Variants in MAPK10 observed in about 807,000 individuals in gnomAD.
MAPK10 encodes mitogen-activated protein kinase 10, also known as JNK3 alpha protein kinase.
A neutral mutation model predicts 59.3 loss-of-function variants in MAPK10; 25 were observed. The ratio of observed to expected loss-of-function variants is 0.42; its 90% confidence interval spans 0.31 to 0.59. The LOEUF (loss-of-function observed/expected upper bound fraction) is 0.59, where lower values mean the gene tolerates loss of function less well. Among genes scored for constraint, MAPK10 ranks in the 20% least tolerant of loss-of-function variants. MAPK10 has a pLI of 0.15. For synonymous variants in MAPK10, 190 were observed against 200.5 expected (o/e 0.95, Z 0.44); for missense variants, 351 against 568.9 (o/e 0.62, Z 3.90).
intron 2 of MAPK10, among the ~76,000 whole-genome samples, chr4:86,256,329 T>A (rs1359109828): frequency 6.6e-6 from 1 of 152,180 alleles, no homozygotes; most frequent in African/African-American, 2.4e-5. Flanking sequence ...TCATTTTAAT[T>A]GCCCACAGTC....
intron 9 of MAPK10, among the ~76,000 whole-genome samples, chr4:86,068,202 T>C (rs142223492): frequency 6.6e-6 from 1 of 152,258 alleles, no homozygotes; most frequent in Admixed American, 6.5e-5. Context: ...TATCATGAAA[T>C]AGTCTTTGGG....
intron 1 of MAPK10, among the ~76,000 whole-genome samples, chr4:86,579,514 T>TACAC (rs751545047): frequency 5.4e-5 from 5 of 92,678 alleles, no homozygotes; most frequent in South Asian, 3.7e-4. Context: ...TGGATATGTG[T>TACAC]ATACACACAC....
intron 1 of MAPK10, among the ~76,000 whole-genome samples, chr4:86,431,599 T>C (rs1045025695): frequency 6.6e-6 from 1 of 152,164 alleles, no homozygotes; most frequent in African/African-American, 2.4e-5. Flanking sequence ...AAAGAGGAGC[T>C]TTACTCCTTG....
intron 9 of MAPK10, among the ~76,000 whole-genome samples, chr4:86,073,272 G>A (rs1446210012): frequency 6.8e-6 from 1 of 146,844 alleles, no homozygotes; most frequent in African/African-American, 2.5e-5. Flanking sequence ...TGTCTATTTG[G>A]TTCTTCTCTC....
At chr4:86,182,059 C>G (rs1470701577) in intron 3 of MAPK10, among the ~76,000 whole-genome samples, 1 of 151,954 alleles carries the variant, frequency 6.6e-6, no homozygotes, top group African/African-American at 2.4e-5. Context: ...TTTATATTCC[C>G]TGTAGGTTTA....
intron 3 of MAPK10, among the ~76,000 whole-genome samples, chr4:86,187,634 T>C (rs2078578808): frequency 1.3e-5 from 2 of 152,236 alleles, no homozygotes; most frequent in African/African-American, 4.8e-5. Context: ...TGAAAAGAAA[T>C]ACTAAAATCT....
chr4:86,453,030 CTG>C (rs1224440444), exon 1 of MAPK10: 1 of 152,228 alleles, frequency 6.6e-6, no homozygotes, highest in African/African-American at 2.4e-5. Flanking sequence ...CTGACCTTAC[CTG>C]GAGCTGAGTC....
chr4:86,114,827 C>T (rs2058067267), intron 4 of MAPK10, among the ~76,000 whole-genome samples: 1 of 152,236 alleles, frequency 6.6e-6, no homozygotes, highest in African/African-American at 2.4e-5. Context: ...GGCTCCTTCC[C>T]AGGGATATCA....
At chr4:86,439,021 C>A (rs1201681581) in intron 1 of MAPK10, among the ~76,000 whole-genome samples, 1 of 152,154 alleles carries the variant, frequency 6.6e-6, no homozygotes, top group African/African-American at 2.4e-5. Context: ...AATGTGCATT[C>A]TTATGGTGGC....
At chr4:86,269,576 C>A (rs1052561159) in intron 2 of MAPK10, among the ~76,000 whole-genome samples, 16 of 152,200 alleles carry the variant, frequency 1.1e-4, no homozygotes, top group African/African-American at 3.9e-4. Flanking sequence ...TACTCTCTCG[C>A]CTCTATCCAG....
chr4:86,058,429 G>T (rs2045071790), intron 11 of MAPK10, among the ~76,000 whole-genome samples: 1 of 149,266 alleles, frequency 6.7e-6, no homozygotes, highest in Non-Finnish European at 1.5e-5. Context: ...GTTGCCTTAG[G>T]GTTGGTCTCA....
At chr4:86,121,258 G>C (rs997367440) in intron 4 of MAPK10, among the ~76,000 whole-genome samples, 13 of 152,182 alleles carry the variant, frequency 8.5e-5, no homozygotes, top group African/African-American at 3.1e-4. Flanking sequence ...TCAAGAAACA[G>C]CCAGATTTGG....
At chr4:86,018,757 C>A (rs112764835) in intron 13 of MAPK10, among the ~76,000 whole-genome samples, 4,115 of 152,192 alleles carry the variant, frequency 0.027, 173 homozygotes, top group African/African-American at 0.094. Flanking sequence ...AGTATAGTCC[C>A]CTAATCAAAT....
At chr4:86,341,715 A>G (rs747348458) in intron 2 of MAPK10, among the ~76,000 whole-genome samples, 3 of 152,060 alleles carry the variant, frequency 2.0e-5, no homozygotes, top group Non-Finnish European at 4.4e-5. Flanking sequence ...GTTATCACAA[A>G]TTAACTACTA....
chr4:86,508,599 C>T (rs750149278), intron 1 of MAPK10, among the ~76,000 whole-genome samples: 3 of 152,156 alleles, frequency 2.0e-5, no homozygotes, highest in Non-Finnish European at 2.9e-5. Context: ...GTTAAAAATT[C>T]TGTGAGCACT....
chr4:86,314,678 A>C (rs534041850), intron 2 of MAPK10, among the ~76,000 whole-genome samples: 2 of 152,314 alleles, frequency 1.3e-5, no homozygotes, highest in Admixed American at 6.5e-5. Flanking sequence ...ACCTTACTGC[A>C]TATAACTCAA....
intron 11 of MAPK10, chr4:86,032,087 A>T (rs2039163065): frequency 6.6e-6 from 1 of 152,204 alleles, no homozygotes; most frequent in African/African-American, 2.4e-5. Context: ...GGTCACCTTG[A>T]ATCCCTGAAT....
intron 1 of MAPK10, among the ~76,000 whole-genome samples, chr4:86,543,407 T>C (rs566469152): frequency 6.6e-6 from 1 of 152,210 alleles, no homozygotes; most frequent in Non-Finnish European, 1.5e-5. Flanking sequence ...CCCTGGCTTG[T>C]TGGGAACAAA....
At chr4:86,132,999 A>G (rs907002823) in intron 4 of MAPK10, among the ~76,000 whole-genome samples, 1 of 152,234 alleles carries the variant, frequency 6.6e-6, no homozygotes, top group Non-Finnish European at 1.5e-5. Context: ...CCCCAGGCCC[A>G]TGGAAAAACT....
Sources: allele counts gnomAD v4.1 joint callset (sites outside exome capture counted in the v4.1 genomes callset), GRCh38; gene constraint gnomAD v4.1.1; transcripts MANE v1.5; gene names NCBI Gene and HGNC (gene_info 2026-07-23, HGNC 2026-07-21).